Variants in IFT74 observed in about 807,000 individuals in gnomAD.
The protein encoded by IFT74 is intraflagellar transport protein 74 homolog.
IFT74 carries 92 observed loss-of-function variants against 96.7 expected under a neutral mutation model. The observed-to-expected ratio is 0.95, with a 90% CI of 0.80 to 1.13. The LOEUF (loss-of-function observed/expected upper bound fraction) is 1.13. Ranked by LOEUF, IFT74 falls within the 50% of genes most tolerant of loss-of-function variation. IFT74 has a pLI of 0.00. For missense variants in IFT74, 811 were observed against 698.2 expected (o/e 1.16, Z -1.82); for synonymous variants, 223 against 213.2 (o/e 1.05, Z -0.40).
Position 26,978,216 on chromosome 9 carries a change from G to A in IFT74, c.209G>A (p.Arg70His), listed in dbSNP as rs1424717476. ...TCTTCTCAAATCAAAGTTGCCCATCGCCCTGTAACACAACAAGGTTTGACT... is the reference window on the plus strand; with the variant it reads ...TCTTCTCAAATCAAAGTTGCCCATCACCCTGTAACACAACAAGGTTTGACT... ...VLSSQIKVAH[R>H]PVTQQGLTGM... Residue 70 changes from arginine to histidine, a missense_variant, in exon 3 of 20, where the codon CGC (arginine) becomes CAC (histidine). Coordinates refer to ENST00000380062, the MANE Select transcript of IFT74 (RefSeq NM_025103.4). 1.2e-5 allele frequency: 20 copies of A among 1,613,482 alleles called. No individual in the cohort carries two copies. The highest frequency in any genetic ancestry group is 5.0e-5 in the Admixed American group (3 of 59,770).
intron 6 of IFT74, 93 bp downstream of exon 6, chr9:26,984,652 C>T: frequency 1.1e-6 from 1 of 931,384 alleles, no homozygotes; most frequent in Non-Finnish European, 1.7e-6. Flanking sequence ...AGGACATGCA[C>T]AGATACTTTT....
chr9:26,947,525 T>A (rs754794472), intron 1 of IFT74: 2 of 153,992 alleles, frequency 1.3e-5, no homozygotes, highest in Non-Finnish European at 2.9e-5. Flanking sequence ...GGCGTGGACA[T>A]CCGGCGCGCC....
Position 27,016,947 on chromosome 9 carries a change from T to C in IFT74, c.830T>C (p.Leu277Pro). ...CAGGTGAAACAGGAGGCGGTATTGC[T>C]GCATGAAAAACTTTATGAGTTGGAG... is the stretch of plus-strand genomic sequence containing the variant. ...HSQVKQEAVL[L>P]HEKLYELESH... Residue 277 changes from leucine to proline, a missense_variant, in exon 11 of 20, where the codon CTG (leucine) becomes CCG (proline). By Grantham distance (98) the Leu-to-Pro change is moderately conservative. Transcript: ENST00000380062. The C allele has an allele frequency of 3.7e-6, 6 of 1,610,378 alleles. No homozygotes were observed. The highest frequency in any genetic ancestry group is 5.1e-6 in the Non-Finnish European group (6 of 1,178,106).
intron 11 of IFT74, 67 bp downstream of exon 11, chr9:27,017,117 T>A (rs1170629013): frequency 1.5e-6 from 2 of 1,336,330 alleles, no homozygotes; most frequent in East Asian, 4.7e-5. Context: ...TTGTTTTTTT[T>A]AAAGGGATAT....
chr9:26,968,792 A>C (rs1054656306), intron 2 of IFT74, among the ~76,000 whole-genome samples: 1 of 144,108 alleles, frequency 6.9e-6, no homozygotes, highest in Non-Finnish European at 1.6e-5. Flanking sequence ...TATTTATTTG[A>C]GTCTTCCCTC....
intron 12 of IFT74, among the ~76,000 whole-genome samples, chr9:27,021,349 C>T (rs1404858846): frequency 1.3e-5 from 2 of 152,088 alleles, no homozygotes; most frequent in Non-Finnish European, 2.9e-5. Flanking sequence ...ATAGATACCT[C>T]GTAGTGGGAT....
chr9:26,994,359 A>C (rs1340259442), intron 8 of IFT74: 1 of 152,082 alleles, frequency 6.6e-6, no homozygotes, highest in African/African-American at 2.4e-5. Context: ...CAACATGGTG[A>C]AACCCTGTCT....
At chr9:27,001,046 AATGTGTG>A (rs1251765419) in intron 8 of IFT74, among the ~76,000 whole-genome samples, 1 of 152,122 alleles carries the variant, frequency 6.6e-6, no homozygotes, top group Non-Finnish European at 1.5e-5. Flanking sequence ...TGCCGGTGAG[AATGTGTG>A]ATATTTGTCT....
rs148656412 is a variant in IFT74 at position 27,030,840 on chromosome 9, A to G, written c.1054+1736A>G. Among the ~76,000 whole-genome samples the G allele has an allele frequency of 1.6e-4, 25 of 152,350 alleles. No individual in the cohort carries two copies. The East Asian group carries it at 4.2e-3, about 26-fold the overall frequency. ...TATTGGCTCTGTATAAGCAAGGGAAAGTAATAGAAAAAGTATTGTTCTTCC... is the reference window on the plus strand; with the variant it reads ...TATTGGCTCTGTATAAGCAAGGGAAGGTAATAGAAAAAGTATTGTTCTTCC... On this transcript the variant is annotated intron_variant, in intron 13 of 19. Coordinates refer to ENST00000380062, the MANE Select transcript of IFT74 (RefSeq NM_025103.4).
At chr9:27,030,942 A>T (rs897689487) in intron 13 of IFT74, among the ~76,000 whole-genome samples, 4 of 152,224 alleles carry the variant, frequency 2.6e-5, no homozygotes, top group African/African-American at 9.7e-5. Flanking sequence ...TTTAATAAGG[A>T]TGTTTTTATC....
At chr9:27,023,338 T>C (rs1829705276) in intron 12 of IFT74, among the ~76,000 whole-genome samples, 2 of 152,198 alleles carry the variant, frequency 1.3e-5, no homozygotes, top group African/African-American at 4.8e-5. Context: ...GTCTCTTCTG[T>C]GCTGATTTTG....
rs757798433 is a variant in IFT74 at position 26,978,150 on chromosome 9, C to T, written c.143C>T (p.Pro48Leu). 1.9e-6 allele frequency: 3 copies of T among 1,605,164 alleles called. No individual in the cohort carries two copies. Among genetic ancestry groups the T allele is most frequent in the Admixed American group, 3.5e-5 (2 of 56,772 alleles). ...ATAMPPGTAR[P>L]GSRGCPIGTG... Reference sequence around the variant, plus strand: ...TAGATGCCACCTGGGACAGCAAGACCAGGTTCTCGTGGTTGTCCCATAGGG... The same window carrying T: ...TAGATGCCACCTGGGACAGCAAGACTAGGTTCTCGTGGTTGTCCCATAGGG... Residue 48 changes from proline (P) to leucine (L), a missense_variant, in exon 3 of 20, where the codon CCA (proline) becomes CTA (leucine). Physicochemically the swap from Pro to Leu is moderately conservative, Grantham distance 98 (BLOSUM62 -3). Coordinates refer to ENST00000380062, the MANE Select transcript of IFT74 (RefSeq NM_025103.4).
chr9:26,999,038 T>C (rs1201535937), intron 8 of IFT74, among the ~76,000 whole-genome samples: 4 of 152,318 alleles, frequency 2.6e-5, no homozygotes, highest in Middle Eastern at 3.4e-3. Context: ...CTCTCTGGTT[T>C]AACTCTCTTA....
chr9:27,030,018 TG>T (rs1342853351), intron 13 of IFT74, among the ~76,000 whole-genome samples: 1 of 151,626 alleles, frequency 6.6e-6, no homozygotes, highest in Non-Finnish European at 1.5e-5. Flanking sequence ...AATACTGTGG[TG>T]GGGGTTTGGG....
intron 18 of IFT74, among the ~76,000 whole-genome samples, 190 bp from the exon 19 acceptor site, chr9:27,060,401 T>C (rs912954303): frequency 3.3e-5 from 5 of 151,902 alleles, no homozygotes; most frequent in Non-Finnish European, 7.4e-5. Flanking sequence ...AAACATGTTA[T>C]AGGATTCATC....
At chr9:27,031,780 A>T (rs927563331) in intron 13 of IFT74, among the ~76,000 whole-genome samples, 14 of 140,518 alleles carry the variant, frequency 1.0e-4, no homozygotes, top group East Asian at 6.3e-4. Context: ...ATAAAATAAA[A>T]TAAATAAAAT....
intron 8 of IFT74, chr9:26,996,185 A>C (rs1027698087): frequency 1.7e-4 from 111 of 646,406 alleles, no homozygotes; most frequent in Non-Finnish European, 2.6e-4. Flanking sequence ...ATATTTTGTA[A>C]ATCTTTAGTT....
At chr9:27,057,341 G>A (rs919452334) in intron 18 of IFT74, among the ~76,000 whole-genome samples, 3 of 152,060 alleles carry the variant, frequency 2.0e-5, no homozygotes, top group African/African-American at 4.8e-5. Context: ...GAGCTCTGAC[G>A]GGACAGAGAC....
At chr9:27,039,974 T>C (rs1819389897) in intron 13 of IFT74, among the ~76,000 whole-genome samples, 1 of 152,092 alleles carries the variant, frequency 6.6e-6, no homozygotes, top group African/African-American at 2.4e-5. Flanking sequence ...CTAATTAAAA[T>C]TGAAATAGGA....
Sources: allele counts gnomAD v4.1 joint callset (sites outside exome capture counted in the v4.1 genomes callset), GRCh38; gene constraint gnomAD v4.1.1; transcripts MANE v1.5; gene names NCBI Gene and HGNC (gene_info 2026-07-23, HGNC 2026-07-21).